The following DTNA variants were observed in gnomAD, a reference collection of about 807,000 sequenced individuals.
DTNA encodes dystrophin-related protein 3.
A neutral mutation model predicts 100.7 loss-of-function variants in DTNA; 43 were observed. The observed-to-expected ratio is 0.43, with a 90% confidence interval of 0.33 to 0.55. The LOEUF is 0.55. Among genes scored for constraint, DTNA ranks in the 20% least tolerant of loss-of-function variants. The pLI, the probability that DTNA is intolerant of heterozygous loss-of-function variation, is 0.04. For synonymous variants in DTNA, 349 were observed against 347.9 expected, an observed-to-expected ratio of 1.00 and a Z score of -0.04; for missense variants, 798 against 953.9, an observed-to-expected ratio of 0.84 and a Z score of 2.15.
At chr18:34,885,267 CA>C (rs1289625885) in intron 22 of DTNA, among the ~76,000 whole-genome samples, 1 of 152,150 alleles carries the variant, frequency 6.6e-6, no homozygotes, top group Non-Finnish European at 1.5e-5. Flanking sequence ...CAAAAGAGCC[CA>C]AACAGAGGAA....
chr18:34,822,992 A>G (rs2149477794), intron 9 of DTNA, among the ~76,000 whole-genome samples: 1 of 152,350 alleles, frequency 6.6e-6, no homozygotes, highest in Admixed American at 6.5e-5. Context: ...AATTGTTGAA[A>G]TAACATACAA....
chr18:34,694,942 G>C (rs75083706), intron 1 of DTNA, among the ~76,000 whole-genome samples: 1 of 152,256 alleles, frequency 6.6e-6, no homozygotes, highest in African/African-American at 2.4e-5. Context: ...GCCTCCCTCA[G>C]TTCCTATTCC....
chr18:34,621,219 A>G (rs1404018551), intron 1 of DTNA, among the ~76,000 whole-genome samples: 1 of 148,822 alleles, frequency 6.7e-6, no homozygotes, highest in African/African-American at 2.4e-5. Flanking sequence ...CATATTGTAT[A>G]TTACATATAT....
chr18:34,790,785 A>G (rs1182372186), intron 3 of DTNA, among the ~76,000 whole-genome samples: 1 of 152,112 alleles, frequency 6.6e-6, no homozygotes, highest in African/African-American at 2.4e-5. Context: ...AGAAAGAATG[A>G]AAAAAGAACT....
chr18:34,601,623 T>C (rs1567989484), intron 1 of DTNA, among the ~76,000 whole-genome samples: 1 of 152,356 alleles, frequency 6.6e-6, no homozygotes, highest in Non-Finnish European at 1.5e-5. Flanking sequence ...TATATATCTG[T>C]GAACAGGTCC....
chr18:34,843,360 T>C (rs1353439413), intron 13 of DTNA, among the ~76,000 whole-genome samples: 7 of 152,148 alleles, frequency 4.6e-5, no homozygotes, highest in African/African-American at 1.7e-4. Context: ...AGAATTTTTT[T>C]TTAATTTTAA....
chr18:34,552,597 C>T (rs1365455636), intron 1 of DTNA, among the ~76,000 whole-genome samples: 7 of 144,904 alleles, frequency 4.8e-5, no homozygotes, highest in Non-Finnish European at 7.5e-5. Context: ...TCTCATTGTT[C>T]AATTCCCACC....
chr18:34,757,134 G>C (rs2092830478), intron 2 of DTNA: 1 of 152,194 alleles, frequency 6.6e-6, no homozygotes, highest in African/African-American at 2.4e-5. Flanking sequence ...TCTCAGTCGT[G>C]TTCCTTGCTT....
intron 1 of DTNA, chr18:34,755,556 A>G: frequency 4.6e-6 from 1 of 217,160 alleles, no homozygotes; most frequent in Non-Finnish European, 9.2e-6. Flanking sequence ...TGCATCCTTC[A>G]TTCACCAAGT....
In DTNA at chr18:34,543,376, A is replaced by C. The variant is rs148136751; in HGVS notation, c.-2+49862A>C. 7.2e-5 allele frequency among the ~76,000 whole-genome samples: 11 copies of C among 152,232 alleles called. No individual in the cohort carries two copies. In the South Asian group the frequency reaches 8.3e-4, roughly 11 times the overall value. ...TGAAAAAGCTGTCTTTCAGCACACA[A>C]TAGATCAAAATGTGTAAAATAGCAT... On this transcript the variant is annotated intron_variant, in intron 1 of 19. Transcript: ENST00000283365.
chr18:34,884,907 A>T, intron 22 of DTNA, 131 bp downstream of exon 22: 1 of 1,110,346 alleles, frequency 9.0e-7, no homozygotes, highest in Non-Finnish European at 1.4e-6. Context: ...TTAACTGCTG[A>T]TATCGAAGAG....
chr18:34,510,326 G>C (rs926360932), intron 1 of DTNA, among the ~76,000 whole-genome samples: 2 of 151,656 alleles, frequency 1.3e-5, no homozygotes, highest in Non-Finnish European at 2.9e-5. Flanking sequence ...TCATCCCTCA[G>C]TACCCCGACT....
intron 1 of DTNA, among the ~76,000 whole-genome samples, chr18:34,526,712 G>A (rs188506360): frequency 6.6e-6 from 1 of 152,220 alleles, no homozygotes; most frequent in East Asian, 1.9e-4. Context: ...ACTATCCTCA[G>A]CATAAGAAGT....
chr18:34,536,067 TA>T (rs1372130055), intron 1 of DTNA, among the ~76,000 whole-genome samples: 1 of 152,058 alleles, frequency 6.6e-6, no homozygotes, highest in Non-Finnish European at 1.5e-5. Flanking sequence ...AAATAAGGTG[TA>T]AAATACATTT....
chr18:34,693,157 ATCAT>A (rs1266664290), intron 1 of DTNA, among the ~76,000 whole-genome samples: 1 of 152,212 alleles, frequency 6.6e-6, no homozygotes, highest in Non-Finnish European at 1.5e-5. Context: ...ACTTATAATG[ATCAT>A]TCATTCATTC....
intron 1 of DTNA, among the ~76,000 whole-genome samples, chr18:34,630,811 C>CA (rs35759338): frequency 0.02 from 2,822 of 142,822 alleles, 72 homozygotes; most frequent in African/African-American, 0.059. Flanking sequence ...GCCAAACTGT[C>CA]AAAAAAAAAA....
At chr18:34,671,694 T>G (rs2076776554) in intron 1 of DTNA, among the ~76,000 whole-genome samples, 1 of 152,242 alleles carries the variant, frequency 6.6e-6, no homozygotes, top group African/African-American at 2.4e-5. Context: ...AAATCTTTTT[T>G]TATTTTGCCT....
At chr18:34,749,133 G>C (rs901159965) in intron 1 of DTNA, among the ~76,000 whole-genome samples, 1 of 152,132 alleles carries the variant, frequency 6.6e-6, no homozygotes, top group South Asian at 2.1e-4. Context: ...CATTGTTGGT[G>C]TATATCAATG....
intron 13 of DTNA, 80 bp downstream of exon 13, chr18:34,838,917 C>T (rs1447272375): frequency 1.0e-5 from 13 of 1,253,100 alleles, no homozygotes; most frequent in Middle Eastern, 3.8e-4. Flanking sequence ...CAGCAAGGAG[C>T]AAGGTCACTG....
Sources: gnomAD v4.1 joint callset for allele counts (sites outside exome capture counted in the v4.1 genomes callset) on GRCh38, gnomAD v4.1.1 for gene constraint, MANE v1.5 for transcripts, NCBI Gene and HGNC (gene_info 2026-07-23, HGNC 2026-07-21) for gene names.